Variants in SUPT20HL2 observed in about 807,000 individuals in gnomAD.
SUPT20HL2 encodes the protein transcription factor SPT20 homolog-like 2.
For missense variants in SUPT20HL2, 288 were observed against 127.4 expected, an observed-to-expected ratio of 2.26 and a Z score of -6.07; for synonymous variants, 125 against 51.6, an observed-to-expected ratio of 2.42 and a Z score of -6.10.
At position 24,308,837 on chromosome X, in the gene SUPT20HL2, A is replaced by C. The variant is rs1458807989; in HGVS notation, c.*2025T>G. 8.9e-6 allele frequency among the ~76,000 whole-genome samples: 1 copy of C among 112,287 alleles called. No individual in the cohort carries two copies. Among genetic ancestry groups the C allele is most frequent in the East Asian group, 2.8e-4 (1 of 3,591 alleles). ...CAAGTGTCCATCATCAGAATAAACA[A>C]AAATGTGCTATATACAAACAATGGA... On this transcript the variant is annotated 3_prime_UTR_variant, in exon 1 of 1. Coordinates refer to ENST00000486479, the MANE Select transcript of SUPT20HL2 (RefSeq NM_001136233.3).
In SUPT20HL2 at chrX:24,312,501, T is replaced by G. The variant is rs750538661; in HGVS notation, c.815A>C (p.Glu272Ala). ...CTCACAAGGCTGACCTACTTTTCTT[T>G]CTTCTTTTTGGCCAGAAGTCGACAC... ...LRVSTSGQKE[E>A]RKVGQPCELN... Residue 272 changes from glutamate to alanine, a missense_variant, in exon 1 of 1, where the codon GAA becomes GCA. Glu to Ala is a moderately radical substitution (Grantham distance 107, BLOSUM62 -1). Coordinates refer to ENST00000486479, the MANE Select transcript of SUPT20HL2 (RefSeq NM_001136233.3). 2.6e-6 allele frequency: 1 copy of G among 387,259 alleles called. No individual in the cohort carries two copies. Among genetic ancestry groups the G allele is most frequent in the Non-Finnish European group, 5.2e-6 (1 of 192,643 alleles). 31.9% of individuals were successfully genotyped at this position (387,259 alleles called of 1,213,427 possible).
chrX:24,309,639 G>T lies in SUPT20HL2; in HGVS notation c.*1223C>A, dbSNP rs1939093949. ...ACATGTATACATATGTAACTAACCT[G>T]CACAATGTGCACATGTACCCTAAAA... On this transcript the variant is annotated 3_prime_UTR_variant, in exon 1 of 1. Transcript: ENST00000486479. Among the ~76,000 whole-genome samples, 1 of 82,730 alleles carries T rather than the reference G, an allele frequency of 1.2e-5. No individual in the cohort carries two copies. Among genetic ancestry groups the T allele is most frequent in the African/African-American group, 4.5e-5 (1 of 22,190 alleles). 71.8% of individuals were successfully genotyped at this position (82,730 alleles called of 115,157 possible). A position where few individuals can be genotyped will look rare whatever the true frequency, so the allele number is the denominator to read the frequency against.
Position 24,311,762 on chromosome X carries a change from A to C in SUPT20HL2, c.1554T>G (p.Ala518=), listed in dbSNP as rs1209104277. The C allele has an allele frequency of 2.9e-6, 1 of 350,331 alleles. No individual in the cohort carries two copies. The highest frequency in any genetic ancestry group is 2.7e-5 in the African/African-American group (1 of 36,860). The allele number at this position is 350,331 out of a possible 1,213,427, so 28.9% of individuals were successfully genotyped here. ...APAPAAAPAL[A]AAAVAAAAGG... is the part of the protein sequence containing the mutation. ...CGGCCGCCGCCGCCACAGCAGCAGC[A>C]GCTAAAGCAGGAGCAGCAGCAGGAG... The change falls in exon 1 of 1, where the codon GCT becomes GCG. Residue 518 remains alanine, a synonymous_variant. Transcript: ENST00000486479.
chrX:24,313,567 A>G lies in SUPT20HL2; in HGVS notation c.-252T>C, dbSNP rs190821449. ...GCTTCACGTCTCTGCGGCCTGGAAC[A>G]GAAGTGAGCGGGAGGGCCGGGGTCA... On this transcript the variant is annotated 5_prime_UTR_variant, in exon 1 of 1. Transcript: ENST00000486479. 0.042 allele frequency among the ~76,000 whole-genome samples: 3,972 copies of G among 95,063 alleles called. 180 individuals carry two copies. The highest frequency in any genetic ancestry group is 0.15 in the African/African-American group (3,700 of 25,279). The allele number at this position is 95,063 out of a possible 115,157, so 82.6% of individuals were successfully genotyped here.
rs746631670 is a variant in SUPT20HL2 at position 24,310,036 on chromosome X, ACT to A, written c.*824_*825del. 9.0e-6 allele frequency among the ~76,000 whole-genome samples: 1 copy of A among 111,120 alleles called. No homozygotes were observed. Among genetic ancestry groups the A allele is most frequent in the Non-Finnish European group, 1.9e-5 (1 of 53,004 alleles). ...AACCTATTAATGTGAATACGATTAC[ACT>A]CTTTCTTCTGAAAGAGGTTTCTCAG... is the stretch of plus-strand genomic sequence containing the variant. On this transcript the variant is annotated 3_prime_UTR_variant, in exon 1 of 1. Coordinates refer to ENST00000486479, the MANE Select transcript of SUPT20HL2 (RefSeq NM_001136233.3).
In SUPT20HL2 at chrX:24,311,658, C is replaced by G. The variant is rs748976213; in HGVS notation, c.1658G>C (p.Arg553Pro). 2.6e-6 allele frequency: 1 copy of G among 384,280 alleles called. No homozygotes were observed. Among genetic ancestry groups the G allele is most frequent in the Non-Finnish European group, 5.2e-6 (1 of 191,098 alleles). 31.7% of individuals were successfully genotyped at this position (384,280 alleles called of 1,213,427 possible). A position where few individuals can be genotyped will look rare whatever the true frequency, so the allele number is the denominator to read the frequency against. The change falls in exon 1 of 1, where the codon CGC becomes CCC. Residue 553 changes from arginine (R) to proline (P), a missense_variant. Coordinates refer to ENST00000486479, the MANE Select transcript of SUPT20HL2 (RefSeq NM_001136233.3). ...KASRRRPAAG[R>P]PTRFVKIAPA... is the part of the protein sequence containing the mutation. ...GGCTATTTTTACGAATCTGGTGGGGCGCCCGGCAGCTGGACGGCGCCTGCT... is the reference window on the plus strand; with the variant it reads ...GGCTATTTTTACGAATCTGGTGGGGGGCCCGGCAGCTGGACGGCGCCTGCT...
Position 24,313,564 on chromosome X carries a change from A to G in SUPT20HL2, c.-249T>C, listed in dbSNP as rs1939155797. 9.8e-6 allele frequency among the ~76,000 whole-genome samples: 1 copy of G among 101,998 alleles called. No individual in the cohort carries two copies. Among genetic ancestry groups the G allele is most frequent in the African/African-American group, 3.7e-5 (1 of 26,985 alleles). 88.6% of individuals were successfully genotyped at this position (101,998 alleles called of 115,157 possible). On this transcript the variant is annotated 5_prime_UTR_variant, in exon 1 of 1. Coordinates refer to ENST00000486479, the MANE Select transcript of SUPT20HL2 (RefSeq NM_001136233.3). ...CGGGCTTCACGTCTCTGCGGCCTGGAACAGAAGTGAGCGGGAGGGCCGGGG... is the reference window on the plus strand; with the variant it reads ...CGGGCTTCACGTCTCTGCGGCCTGGGACAGAAGTGAGCGGGAGGGCCGGGG...
In SUPT20HL2 at chrX:24,312,547, G is replaced by C. The variant is rs781670363; in HGVS notation, c.769C>G (p.Pro257Ala). Residue 257 changes from proline to alanine, a missense_variant, in exon 1 of 1, where the codon CCA becomes GCA. By Grantham distance (27) the Pro-to-Ala change is conservative (BLOSUM62 -1). Coordinates refer to ENST00000486479, the MANE Select transcript of SUPT20HL2 (RefSeq NM_001136233.3). Reference protein sequence around the residue: ...VKPQQEQSDCPPPPELRVSTS... With the variant: ...VKPQQEQSDCAPPPELRVSTS... ...GACACTCTCAGCTCAGGAGGAGGTGGACAGTCAGACTGCTCCTGCTGTGGC... is the reference window on the plus strand; with the variant it reads ...GACACTCTCAGCTCAGGAGGAGGTGCACAGTCAGACTGCTCCTGCTGTGGC... The C allele has an allele frequency of 2.6e-6, 1 of 385,608 alleles. No homozygotes were observed. The highest frequency in any genetic ancestry group is 5.2e-6 in the Non-Finnish European group (1 of 192,425). 31.8% of individuals were successfully genotyped at this position (385,608 alleles called of 1,213,427 possible).
rs1310159641 is a variant in SUPT20HL2 at position 24,311,456 on chromosome X, T to C, written c.1860A>G (p.Leu620=). 5 of 386,301 alleles carry C rather than the reference T, an allele frequency of 1.3e-5. No individual in the cohort carries two copies. Among genetic ancestry groups the C allele is most frequent in the African/African-American group, 1.3e-4 (5 of 39,557 alleles). The allele number at this position is 386,301 out of a possible 1,213,427, so 31.8% of individuals were successfully genotyped here. A position where few individuals can be genotyped will look rare whatever the true frequency, so the allele number is the denominator to read the frequency against. Reference sequence around the variant, plus strand: ...GCACTGCACCGGGCCTTGCATCTGGTAGTGGACCTCCTGAGGACTGAAGGC... The same window carrying C: ...GCACTGCACCGGGCCTTGCATCTGGCAGTGGACCTCCTGAGGACTGAAGGC... ...GSGLQSSGGP[L]PDARPGAVQA... The change falls in exon 1 of 1, where the codon CTA becomes CTG. Residue 620 remains leucine, a synonymous_variant. Transcript: ENST00000486479.
chrX:24,314,068 A>G lies in SUPT20HL2; in HGVS notation c.-753T>C, dbSNP rs773350119. On this transcript the variant is annotated 5_prime_UTR_variant, in exon 1 of 1. Coordinates refer to ENST00000486479, the MANE Select transcript of SUPT20HL2 (RefSeq NM_001136233.3). Reference sequence around the variant, plus strand: ...CGCGTCTCTGAGTGCTGCACCGGAAATGAACGGGAGGGCCGGGGTCAGCTA... The same window carrying G: ...CGCGTCTCTGAGTGCTGCACCGGAAGTGAACGGGAGGGCCGGGGTCAGCTA... The G allele has an allele frequency of 6.1e-5, 22 of 357,830 alleles. No homozygotes were observed. The highest frequency in any genetic ancestry group is 1.1e-4 in the Non-Finnish European group (21 of 184,057). The allele number at this position is 357,830 out of a possible 1,213,427, so 29.5% of individuals were successfully genotyped here. A position where few individuals can be genotyped will look rare whatever the true frequency, so the allele number is the denominator to read the frequency against.
At position 24,309,746 on chromosome X, in the gene SUPT20HL2, GAAAAAAAAAAA is replaced by G; in HGVS notation, c.*1105_*1115del. The stretch of plus-strand genomic sequence containing the variant: ...AAAATAATAAAAATAAAAAAAAAAA[GAAAAAAAAAAA>G]AAAAAAAAAAAACATCCAAAAAGAG... On this transcript the variant is annotated 3_prime_UTR_variant, in exon 1 of 1. Coordinates refer to ENST00000486479, the MANE Select transcript of SUPT20HL2 (RefSeq NM_001136233.3). 4.6e-5 allele frequency among the ~76,000 whole-genome samples: 1 copy of G among 21,784 alleles called. No homozygotes were observed. The highest frequency in any genetic ancestry group is 6.9e-5 in the Non-Finnish European group (1 of 14,579). The allele number at this position is 21,784 out of a possible 115,157, so 18.9% of individuals were successfully genotyped here. A position where few individuals can be genotyped will look rare whatever the true frequency, so the allele number is the denominator to read the frequency against.
chrX:24,308,369 C>T lies in SUPT20HL2; in HGVS notation c.*2493G>A. On this transcript the variant is annotated 3_prime_UTR_variant, in exon 1 of 1. Transcript: ENST00000486479. ...TTGGTGACATACTGAATTCAGGTCA[C>T]TGCTTAGCTCCGAAGGCCATGCATA... The T allele has an allele frequency of 8.2e-6, 3 of 367,576 alleles. No homozygotes were observed. The highest frequency in any genetic ancestry group is 7.3e-5 in the South Asian group (3 of 41,035). 30.3% of individuals were successfully genotyped at this position (367,576 alleles called of 1,213,427 possible). A position where few individuals can be genotyped will look rare whatever the true frequency, so the allele number is the denominator to read the frequency against.
chrX:24,312,022 C>T lies in SUPT20HL2; in HGVS notation c.1294G>A (p.Val432Ile), dbSNP rs1232995319. ...MSHSSSGPAS[V>I]SQLSSWKTPE... The stretch of plus-strand genomic sequence containing the variant: ...GTTTTCCATGAAGAGAGCTGACTGA[C>T]ACTGGCTGGGCCACTGGAGCTGTGT... Residue 432 changes from valine to isoleucine, a missense_variant, in exon 1 of 1, where the codon GTC (valine) becomes ATC (isoleucine). Val to Ile is a conservative substitution (Grantham distance 29, BLOSUM62 3). Coordinates refer to ENST00000486479, the MANE Select transcript of SUPT20HL2 (RefSeq NM_001136233.3). 4 of 374,876 alleles carry T rather than the reference C, an allele frequency of 1.1e-5. No homozygotes were observed. The highest frequency in any genetic ancestry group is 2.1e-5 in the Non-Finnish European group (4 of 188,015). The allele number at this position is 374,876 out of a possible 1,213,427, so 30.9% of individuals were successfully genotyped here.
rs772997928 is a variant in SUPT20HL2, at chrX:24,311,751, ACAG to A, written c.1562_1564del (p.Ala521del). 4 of 353,898 alleles carry A rather than the reference ACAG, an allele frequency of 1.1e-5. No homozygotes were observed. Among genetic ancestry groups the A allele is most frequent in the Non-Finnish European group, 1.1e-5 (2 of 176,760 alleles). 29.2% of individuals were successfully genotyped at this position (353,898 alleles called of 1,213,427 possible). On this transcript the variant is annotated inframe_deletion, in exon 1 of 1. Transcript: ENST00000486479. ...TGCCGCCCCACCGGCCGCCGCCGCC[ACAG>A]CAGCAGCAGCTAAAGCAGGAGCAGC...
rs1939097074 is a variant in SUPT20HL2 at position 24,309,717 on chromosome X, G to GAAAAAAAAAAAAAAAAAAAAAAA, written c.*1144_*1145insTTTTTTTTTTTTTTTTTTTTTTT. ...TAAAAAAAAAAATTAAAAAAAAAAAGAAAAAAATAATAAAAATAAAAAAAA... is the reference window on the plus strand; with the variant it reads ...TAAAAAAAAAAATTAAAAAAAAAAAGAAAAAAAAAAAAAAAAAAAAAAAAAAAAAATAATAAAAATAAAAAAAA... On this transcript the variant is annotated 3_prime_UTR_variant, in exon 1 of 1. Coordinates refer to ENST00000486479, the MANE Select transcript of SUPT20HL2 (RefSeq NM_001136233.3). Among the ~76,000 whole-genome samples, 1 of 13,836 alleles carries GAAAAAAAAAAAAAAAAAAAAAAA rather than the reference G, an allele frequency of 7.2e-5. No individual in the cohort carries two copies. Among genetic ancestry groups the GAAAAAAAAAAAAAAAAAAAAAAA allele is most frequent in the Admixed American group, 1.1e-3 (1 of 880 alleles). 12.0% of individuals were successfully genotyped at this position (13,836 alleles called of 115,157 possible). A position where few individuals can be genotyped will look rare whatever the true frequency, so the allele number is the denominator to read the frequency against.
In SUPT20HL2 at chrX:24,310,461, A is replaced by C. The variant is rs1015264440; in HGVS notation, c.*401T>G. Among the ~76,000 whole-genome samples, 117 of 112,410 alleles carry C rather than the reference A, an allele frequency of 1.0e-3. No homozygotes were observed. Among genetic ancestry groups the C allele is most frequent in the African/African-American group, 3.5e-3 (109 of 30,943 alleles). ...TGTTTTTATCACCATTAAAAATTTTAAATTGCGCTCTTCTTGTTAAAATAT... is the reference window on the plus strand; with the variant it reads ...TGTTTTTATCACCATTAAAAATTTTCAATTGCGCTCTTCTTGTTAAAATAT... On this transcript the variant is annotated 3_prime_UTR_variant, in exon 1 of 1. Transcript: ENST00000486479.
Position 24,308,418 on chromosome X carries a change from T to C in SUPT20HL2, c.*2444A>G, listed in dbSNP as rs769751342. 1.9e-5 allele frequency: 6 copies of C among 318,489 alleles called. No individual in the cohort carries two copies. In the East Asian group the frequency reaches 5.4e-4, roughly 29 times the overall value. The allele number at this position is 318,489 out of a possible 1,213,427, so 26.2% of individuals were successfully genotyped here. A position where few individuals can be genotyped will look rare whatever the true frequency, so the allele number is the denominator to read the frequency against. ...TAAACTCTTCTCTACAACTGGTCAT[T>C]GCACTCGTTCGCCTCTTAAAAGTGC... is the stretch of plus-strand genomic sequence containing the variant. On this transcript the variant is annotated 3_prime_UTR_variant, in exon 1 of 1. Coordinates refer to ENST00000486479, the MANE Select transcript of SUPT20HL2 (RefSeq NM_001136233.3).
Position 24,311,333 on chromosome X carries a change from G to A in SUPT20HL2, c.1983C>T (p.Thr661=), listed in dbSNP as rs749894621. The change falls in exon 1 of 1, where the codon ACC becomes ACT. Residue 661 remains threonine, a synonymous_variant. Transcript: ENST00000486479. ...GCTGATGGGACTGCTGCTGCGGGCCGGTCAGAACCGCCCAGCCCTGCGGAA... is the reference window on the plus strand; with the variant it reads ...GCTGATGGGACTGCTGCTGCGGGCCAGTCAGAACCGCCCAGCCCTGCGGAA... ...LQVPQGWAVL[T]GPQQQSHQLV... is the part of the protein sequence containing the mutation. The A allele has an allele frequency of 2.1e-5, 8 of 386,355 alleles. No homozygotes were observed. The highest frequency in any genetic ancestry group is 7.6e-5 in the African/African-American group (3 of 39,482). 31.8% of individuals were successfully genotyped at this position (386,355 alleles called of 1,213,427 possible). A position where few individuals can be genotyped will look rare whatever the true frequency, so the allele number is the denominator to read the frequency against.
In SUPT20HL2 at chrX:24,313,239, C is replaced by T. The variant is rs770287584; in HGVS notation, c.77G>A (p.Arg26Lys). The T allele has an allele frequency of 2.6e-6, 1 of 384,711 alleles. No homozygotes were observed. Among genetic ancestry groups the T allele is most frequent in the South Asian group, 2.4e-5 (1 of 42,537 alleles). 31.7% of individuals were successfully genotyped at this position (384,711 alleles called of 1,213,427 possible). A position where few individuals can be genotyped will look rare whatever the true frequency, so the allele number is the denominator to read the frequency against. The change falls in exon 1 of 1, where the codon AGG becomes AAG. Residue 26 changes from arginine to lysine, a missense_variant. Transcript: ENST00000486479. Reference sequence around the variant, plus strand: ...TTTTCCCGCCCTAGGTGAGTATCTCCTTCTAGGACGTCTCTGTTGGGCAAT... The same window carrying T: ...TTTTCCCGCCCTAGGTGAGTATCTCTTTCTAGGACGTCTCTGTTGGGCAAT... ...TEIAQQRRPR[R>K]RYSPRAGKTL...
Sources: gnomAD v4.1 joint callset for allele counts (sites outside exome capture counted in the v4.1 genomes callset) on GRCh38, gnomAD v4.1.1 for gene constraint, MANE v1.5 for transcripts, NCBI Gene and HGNC (gene_info 2026-07-23, HGNC 2026-07-21) for gene names.